Variants in IGFL4 observed in about 807,000 individuals in gnomAD.
IGFL4 encodes the protein IGF like family member 4.
In IGFL4, 12 loss-of-function variants were observed where a neutral mutation model predicts 15.4. The observed-to-expected ratio is 0.78, with a 90% CI of 0.50 to 1.26. IGFL4 has a LOEUF of 1.26. Ranked by LOEUF, IGFL4 falls within the 50% of genes most tolerant of loss-of-function variation. IGFL4 has a pLI of 0.00. For missense variants in IGFL4, 126 were observed against 147.8 expected, an observed-to-expected ratio of 0.85 and a Z score of 0.76; for synonymous variants, 54 against 55.9, an observed-to-expected ratio of 0.97 and a Z score of 0.16.
At chr19:46,053,329 C>T (rs1452603222) in intron 2 of IGFL4, among the ~76,000 whole-genome samples, 3 of 152,146 alleles carry the variant, frequency 2.0e-5, no homozygotes, top group African/African-American at 4.8e-5. Flanking sequence ...ATTCTCCTGC[C>T]TCATTCTCCC....
At chr19:46,044,757 C>A (rs909476070), upstream of IGFL4, among the ~76,000 whole-genome samples, 3 of 152,138 alleles carry the variant, frequency 2.0e-5, no homozygotes, top group Admixed American at 2.0e-4. Flanking sequence ...AACAACTGGT[C>A]AGAGGAAGGA....
chr19:46,054,263 A>T (rs898956438), intron 2 of IGFL4, among the ~76,000 whole-genome samples: 2 of 152,130 alleles, frequency 1.3e-5, no homozygotes, highest in African/African-American at 2.4e-5. Context: ...TCTTTGAATC[A>T]TTTTGAGTTT....
chr19:46,062,786 C>T (rs569536571), intron 1 of IGFL4: 18 of 152,242 alleles, frequency 1.2e-4, no homozygotes, highest in African/African-American at 3.4e-4. Context: ...AAGTTTAGGC[C>T]GCCCCTTCTT....
At chr19:46,059,147 G>A (rs1025216764) in intron 2 of IGFL4, 20 of 152,186 alleles carry the variant, frequency 1.3e-4, no homozygotes, top group African/African-American at 4.8e-4. Flanking sequence ...TTTATAAGCT[G>A]TATCTTGTTC....
chr19:46,063,530 T>C (rs1266700193), intron 1 of IGFL4, among the ~76,000 whole-genome samples: 1 of 152,218 alleles, frequency 6.6e-6, no homozygotes, highest in Non-Finnish European at 1.5e-5. Flanking sequence ...AAAGAGATGG[T>C]ATTTCAATAA....
intron 2 of IGFL4, among the ~76,000 whole-genome samples, chr19:46,055,786 T>A (rs560942069): frequency 6.6e-6 from 1 of 152,202 alleles, no homozygotes; most frequent in African/African-American, 2.4e-5. Flanking sequence ...GTTTAATTTT[T>A]TTTTTTGACG....
At chr19:46,043,229 A>G (rs1969263891), upstream of IGFL4, among the ~76,000 whole-genome samples, 1 of 152,232 alleles carries the variant, frequency 6.6e-6, no homozygotes, top group Non-Finnish European at 1.5e-5. Flanking sequence ...GGTATACTGT[A>G]AATCTAGGAG....
At chr19:46,046,892 G>T (rs1417350708) in intron 2 of IGFL4, among the ~76,000 whole-genome samples, 1 of 152,114 alleles carries the variant, frequency 6.6e-6, no homozygotes, top group Non-Finnish European at 1.5e-5. Context: ...CTCAGCTCTG[G>T]ATCAAGTGGA....
intron 2 of IGFL4, among the ~76,000 whole-genome samples, chr19:46,047,643 C>A (rs1600670624): frequency 6.6e-6 from 1 of 152,162 alleles, no homozygotes; most frequent in Admixed American, 6.5e-5. Flanking sequence ...ACTATAAACA[C>A]CTTTATGCAC....
intron 2 of IGFL4, among the ~76,000 whole-genome samples, chr19:46,053,649 A>T (rs1169753898): frequency 6.6e-6 from 1 of 152,180 alleles, no homozygotes; most frequent in Non-Finnish European, 1.5e-5. Flanking sequence ...CAGTAGTAGG[A>T]TTGCTGGATG....
chr19:46,056,647 T>C (rs1449059598), intron 2 of IGFL4, among the ~76,000 whole-genome samples: 1 of 152,148 alleles, frequency 6.6e-6, no homozygotes, highest in Non-Finnish European at 1.5e-5. Flanking sequence ...GAATACACAA[T>C]GGATACACAG....
At chr19:46,049,307 G>T (rs1295266379) in intron 2 of IGFL4, among the ~76,000 whole-genome samples, 23 of 152,220 alleles carry the variant, frequency 1.5e-4, no homozygotes, top group Admixed American at 1.5e-3. Context: ...TGCAGATTAT[G>T]TGGGACAATC....
intron 1 of IGFL4, among the ~76,000 whole-genome samples, chr19:46,073,009 A>C (rs1234053768): frequency 6.6e-6 from 1 of 152,250 alleles, no homozygotes; most frequent in Non-Finnish European, 1.5e-5. Context: ...AGACATTATC[A>C]AAAGTAATGT....
At chr19:46,071,821 G>A (rs1229698624) in intron 1 of IGFL4, among the ~76,000 whole-genome samples, 1 of 152,200 alleles carries the variant, frequency 6.6e-6, no homozygotes, top group Non-Finnish European at 1.5e-5. Context: ...AGGAGTTTGA[G>A]ACCAGCAACT....
intron 1 of IGFL4, chr19:46,060,348 C>T (rs1053706403): frequency 2.0e-5 from 3 of 152,292 alleles, no homozygotes; most frequent in African/African-American, 7.2e-5. Flanking sequence ...CGAAAAAGAT[C>T]ACCTCAGTCC....
chr19:46,070,744 G>A (rs1340718973), intron 1 of IGFL4, among the ~76,000 whole-genome samples: 2 of 152,120 alleles, frequency 1.3e-5, no homozygotes, highest in African/African-American at 4.8e-5. Flanking sequence ...AAACATGGAG[G>A]CACATCGGCA....
chr19:46,061,841 A>T (rs1969448294), intron 1 of IGFL4, among the ~76,000 whole-genome samples: 1 of 152,180 alleles, frequency 6.6e-6, no homozygotes, highest in African/African-American at 2.4e-5. Context: ...GCAAAGCGCC[A>T]TATATTCCCA....
rs546654217 is a variant in IGFL4 at position 46,052,168 on chromosome 19, G to A, written c.-323+8017C>T. 1.5e-4 allele frequency among the ~76,000 whole-genome samples: 23 copies of A among 152,194 alleles called. No individual in the cohort carries two copies. The South Asian group carries it at 3.7e-3, about 25-fold the overall frequency. ...ATATTTACACAACATTCTATGCAACGACTGCAGGGTATACATTCTATTCAG... is the reference window on the plus strand; with the variant it reads ...ATATTTACACAACATTCTATGCAACAACTGCAGGGTATACATTCTATTCAG... On this transcript the variant is annotated intron_variant, in intron 2 of 5. Transcript: ENST00000601672.
intron 2 of IGFL4, chr19:46,059,950 C>T (rs1446546120): frequency 6.6e-6 from 1 of 152,160 alleles, no homozygotes; most frequent in South Asian, 2.1e-4. Flanking sequence ...TCTTTACTTA[C>T]CACAGGTCGG....
Sources: gnomAD v4.1 joint callset for allele counts (sites outside exome capture counted in the v4.1 genomes callset) on GRCh38, gnomAD v4.1.1 for gene constraint, MANE v1.5 for transcripts, NCBI Gene and HGNC (gene_info 2026-07-23, HGNC 2026-07-21) for gene names.